The following SDCCAG8 variants were observed in gnomAD, a reference collection of about 807,000 sequenced individuals.
The protein encoded by SDCCAG8 is SHH signaling and ciliogenesis regulator SDCCAG8, also known as serologically defined colon cancer antigen 8.
Under a neutral mutation model 101.8 loss-of-function variants are expected in SDCCAG8, and 74 were observed. That is an observed-to-expected ratio of 0.73 (90% CI 0.60 to 0.88). The LOEUF (loss-of-function observed/expected upper bound fraction) is 0.88. Ranked by LOEUF, SDCCAG8 falls within the 40% of genes least tolerant of loss-of-function variation. SDCCAG8 has a pLI of 0.00. For synonymous variants in SDCCAG8, 281 were observed against 292.9 expected (o/e 0.96, Z 0.41); for missense variants, 787 against 822.6 (o/e 0.96, Z 0.53).
At chr1:243,371,579 T>G (rs2077292105) in intron 12 of SDCCAG8, among the ~76,000 whole-genome samples, 1 of 152,272 alleles carries the variant, frequency 6.6e-6, no homozygotes, top group African/African-American at 2.4e-5. Context: ...CAGCGTTATG[T>G]GCAATCAACA....
At chr1:243,305,024 C>T (rs1042634605) in intron 7 of SDCCAG8, 10 of 446,328 alleles carry the variant, frequency 2.2e-5, no homozygotes, top group South Asian at 7.2e-5. Context: ...ATAAGAATCA[C>T]GGCCGGGCGC....
intron 9 of SDCCAG8, among the ~76,000 whole-genome samples, chr1:243,319,675 T>C (rs2073581916): frequency 6.6e-6 from 1 of 152,164 alleles, no homozygotes; most frequent in Non-Finnish European, 1.5e-5. Context: ...GCCTGGCCCC[T>C]TTTTAAAAGT....
chr1:243,286,641 A>G (rs1479661440), intron 5 of SDCCAG8, among the ~76,000 whole-genome samples: 1 of 152,164 alleles, frequency 6.6e-6, no homozygotes, highest in Non-Finnish European at 1.5e-5. Flanking sequence ...TACCATATGG[A>G]AAGAGCCGGT....
intron 9 of SDCCAG8, among the ~76,000 whole-genome samples, chr1:243,320,198 A>C (rs1490516408): frequency 6.6e-6 from 1 of 152,130 alleles, no homozygotes; most frequent in African/African-American, 2.4e-5. Flanking sequence ...TACAGATCTG[A>C]GTTTCTAACG....
At chr1:243,429,126 G>T (rs895624049) in intron 16 of SDCCAG8, among the ~76,000 whole-genome samples, 3 of 152,184 alleles carry the variant, frequency 2.0e-5, no homozygotes, top group African/African-American at 7.2e-5. Context: ...TGCAGGATAT[G>T]TAGCTTAGAT....
At position 243,256,132 on chromosome 1, in the gene SDCCAG8, A is replaced by G. The variant is rs374979999; in HGVS notation, c.-42A>G. 6.3e-6 allele frequency: 10 copies of G among 1,580,158 alleles called. No homozygotes were observed. Among genetic ancestry groups the G allele is most frequent in the Non-Finnish European group, 8.7e-6 (10 of 1,149,250 alleles). On this transcript the variant is annotated 5_prime_UTR_variant, in exon 1 of 18. Coordinates refer to ENST00000366541, the MANE Select transcript of SDCCAG8 (RefSeq NM_006642.5). ...GTTCTCGGAAGGGAGAAAGCTGGAC[A>G]TTTCCCCACGTAACTCCCAGCTCTG...
intron 12 of SDCCAG8, among the ~76,000 whole-genome samples, chr1:243,356,427 G>GT (rs1558346203): frequency 6.9e-6 from 1 of 145,880 alleles, no homozygotes. Flanking sequence ...TGGCGGGGGG[G>GT]TGGTGGGGGA....
At chr1:243,408,461 A>G (rs149207507) in intron 13 of SDCCAG8, among the ~76,000 whole-genome samples, 7 of 152,344 alleles carry the variant, frequency 4.6e-5, no homozygotes, top group Non-Finnish European at 8.8e-5. Context: ...TTGTAGGAGA[A>G]AGTAATCCAA....
At chr1:243,435,439 A>G (rs1044499641) in intron 16 of SDCCAG8, among the ~76,000 whole-genome samples, 6 of 152,206 alleles carry the variant, frequency 3.9e-5, no homozygotes, top group Non-Finnish European at 5.9e-5. Flanking sequence ...TCACATTGCT[A>G]TTCATTCATA....
chr1:243,316,927 TC>T (rs1558284247), intron 9 of SDCCAG8, 34 bp downstream of exon 9: 1 of 1,603,276 alleles, frequency 6.2e-7, no homozygotes, highest in South Asian at 1.1e-5. Flanking sequence ...AAAGTGTCTT[TC>T]TTTTTTTTTT....
At chr1:243,413,469 G>A (rs1011428379) in intron 13 of SDCCAG8, among the ~76,000 whole-genome samples, 33 of 152,170 alleles carry the variant, frequency 2.2e-4, no homozygotes, top group African/African-American at 8.0e-4. Context: ...GCCTCCCAAA[G>A]TGCTGGGATT....
intron 16 of SDCCAG8, among the ~76,000 whole-genome samples, chr1:243,444,191 A>C (rs958448035): frequency 2.0e-5 from 3 of 152,190 alleles, no homozygotes; most frequent in African/African-American, 7.2e-5. Flanking sequence ...AATTAAAATG[A>C]AAGAAGCAGC....
At chr1:243,404,817 A>G (rs1040967198) in intron 13 of SDCCAG8, among the ~76,000 whole-genome samples, 1 of 151,246 alleles carries the variant, frequency 6.6e-6, no homozygotes, top group African/African-American at 2.4e-5. Context: ...AAATTCTACT[A>G]TCTTTATTAC....
chr1:243,259,124 G>A (rs2066991340), intron 1 of SDCCAG8, among the ~76,000 whole-genome samples: 1 of 152,196 alleles, frequency 6.6e-6, no homozygotes, highest in Admixed American at 6.5e-5. Flanking sequence ...CCTGGGGCCG[G>A]GCGTGGTGGC....
chr1:243,379,737 A>G (rs2077826816), intron 13 of SDCCAG8, among the ~76,000 whole-genome samples: 1 of 152,226 alleles, frequency 6.6e-6, no homozygotes, highest in Non-Finnish European at 1.5e-5. Flanking sequence ...AACTTTGTTT[A>G]AATAAACATG....
intron 10 of SDCCAG8, among the ~76,000 whole-genome samples, chr1:243,338,362 C>G (rs144206017): frequency 3.2e-4 from 48 of 152,034 alleles, no homozygotes; most frequent in African/African-American, 1.1e-3. Flanking sequence ...TGTAGGAATA[C>G]TTGTGAAACG....
chr1:243,436,267 T>A (rs1038497866), intron 16 of SDCCAG8, among the ~76,000 whole-genome samples: 5 of 151,906 alleles, frequency 3.3e-5, no homozygotes, highest in Non-Finnish European at 5.9e-5. Flanking sequence ...TTGCCCCAAC[T>A]TTTTTTCATG....
chr1:243,359,332 G>C (rs2076562219), intron 12 of SDCCAG8, among the ~76,000 whole-genome samples: 1 of 152,180 alleles, frequency 6.6e-6, no homozygotes, highest in Non-Finnish European at 1.5e-5. Context: ...TTGCACTATA[G>C]TCATGGCGGC....
chr1:243,298,350 CTTTTTTTTTTTTTT>C (rs35061154), intron 6 of SDCCAG8, among the ~76,000 whole-genome samples: 1 of 51,078 alleles, frequency 2.0e-5, no homozygotes, highest in Non-Finnish European at 3.4e-5. Context: ...CGCACCCTGC[CTTTTTTTTTTTTTT>C]TTTTTTTTTT....
Sources: gnomAD v4.1 joint callset for allele counts (sites outside exome capture counted in the v4.1 genomes callset) on GRCh38, gnomAD v4.1.1 for gene constraint, MANE v1.5 for transcripts, NCBI Gene and HGNC (gene_info 2026-07-23, HGNC 2026-07-21) for gene names.